SRBD1: variants seen among roughly 807,000 people sequenced by gnomAD.
SRBD1 encodes the protein S1 RNA-binding domain-containing protein 1.
SRBD1 carries 88 observed loss-of-function variants against 115.3 expected under a neutral mutation model. The ratio of observed to expected loss-of-function variants is 0.76; its 90% CI spans 0.64 to 0.91. The LOEUF (loss-of-function observed/expected upper bound fraction) is 0.91, where lower values mean the gene tolerates loss of function less well. Among genes scored for constraint, SRBD1 ranks in the 40% least tolerant of loss-of-function variants. SRBD1 has a pLI of 0.00. For synonymous variants in SRBD1, 509 were observed against 407.7 expected (o/e 1.25, Z -2.99); for missense variants, 1,385 against 1,177.4 (o/e 1.18, Z -2.58).
At chr2:45,491,897 C>G (rs1670304485) in intron 14 of SRBD1, among the ~76,000 whole-genome samples, 2 of 152,182 alleles carry the variant, frequency 1.3e-5, no homozygotes, top group African/African-American at 4.8e-5. Context: ...TCTCGGCTCA[C>G]TATTACCTCC....
chr2:45,536,494 T>A (rs1197466628), intron 14 of SRBD1, among the ~76,000 whole-genome samples: 1 of 152,130 alleles, frequency 6.6e-6, no homozygotes, highest in Non-Finnish European at 1.5e-5. Context: ...AAAGAGTGCA[T>A]CTCTGAATTG....
At chr2:45,521,100 C>T (rs952867190) in intron 14 of SRBD1, among the ~76,000 whole-genome samples, 33 of 152,008 alleles carry the variant, frequency 2.2e-4, no homozygotes, top group Non-Finnish European at 2.4e-4. Flanking sequence ...GTTTGAACAG[C>T]GGCAGCAACT....
At chr2:45,544,074 T>C (rs1672031143) in intron 14 of SRBD1, among the ~76,000 whole-genome samples, 1 of 151,330 alleles carries the variant, frequency 6.6e-6, no homozygotes, top group African/African-American at 2.4e-5. Flanking sequence ...TACTAAAAAC[T>C]ATAAAAAAAT....
chr2:45,499,537 G>A (rs1670561708), intron 14 of SRBD1, among the ~76,000 whole-genome samples: 2 of 152,050 alleles, frequency 1.3e-5, no homozygotes, highest in African/African-American at 4.8e-5. Flanking sequence ...CTTTGTCTGT[G>A]CTTTTGAGGT....
intron 6 of SRBD1, among the ~76,000 whole-genome samples, 191 bp downstream of exon 6, chr2:45,581,502 G>A (rs535824863): frequency 1.8e-4 from 28 of 151,558 alleles, no homozygotes; most frequent in African/African-American, 6.8e-4. Context: ...ATTCATCTTT[G>A]TAAACCCAAG....
chr2:45,404,806 T>C (rs1667383907), intron 19 of SRBD1, among the ~76,000 whole-genome samples: 1 of 152,092 alleles, frequency 6.6e-6, no homozygotes, highest in Admixed American at 6.6e-5. Context: ...CCCAATGCCC[T>C]TTTGACTCAA....
intron 15 of SRBD1, among the ~76,000 whole-genome samples, chr2:45,487,816 A>G (rs1558427984): frequency 6.6e-6 from 1 of 151,704 alleles, no homozygotes; most frequent in African/African-American, 2.4e-5. Context: ...ACCATGCCCA[A>G]CTAATTTTTG....
chr2:45,475,730 G>A (rs548022415), intron 16 of SRBD1, among the ~76,000 whole-genome samples: 8 of 152,076 alleles, frequency 5.3e-5, no homozygotes, highest in Non-Finnish European at 7.4e-5. Flanking sequence ...ATGGAGTCTC[G>A]CTCTGTCACC....
At chr2:45,606,438 G>T (rs1218104052) in intron 1 of SRBD1, among the ~76,000 whole-genome samples, 1 of 152,010 alleles carries the variant, frequency 6.6e-6, no homozygotes, top group South Asian at 2.1e-4. Flanking sequence ...GGGATTACAG[G>T]CATGAGTCAC....
intron 14 of SRBD1, among the ~76,000 whole-genome samples, chr2:45,513,654 G>C (rs1446844518): frequency 1.3e-5 from 2 of 152,014 alleles, no homozygotes; most frequent in African/African-American, 2.4e-5. Flanking sequence ...AAGAAAATGA[G>C]GAGTTAGAGC....
chr2:45,594,551 A>G (rs1673832842), intron 4 of SRBD1, among the ~76,000 whole-genome samples: 1 of 152,242 alleles, frequency 6.6e-6, no homozygotes, highest in Admixed American at 6.5e-5. Context: ...ACACATTTGC[A>G]GTTTGGGAGA....
At chr2:45,478,138 A>C (rs1030490044) in intron 15 of SRBD1, among the ~76,000 whole-genome samples, 28 of 152,126 alleles carry the variant, frequency 1.8e-4, no homozygotes, top group African/African-American at 5.8e-4. Context: ...AACTGCTTCC[A>C]TTTTCAAAAC....
At chr2:45,545,712 A>G (rs1055626637) in intron 14 of SRBD1, among the ~76,000 whole-genome samples, 1 of 152,170 alleles carries the variant, frequency 6.6e-6, no homozygotes, top group East Asian at 1.9e-4. Flanking sequence ...GGATGTTTCA[A>G]TCTGTTTCCT....
intron 16 of SRBD1, among the ~76,000 whole-genome samples, chr2:45,460,902 A>T (rs1423787331): frequency 1.3e-5 from 2 of 152,192 alleles, no homozygotes; most frequent in Non-Finnish European, 1.5e-5. Flanking sequence ...ACTGTCCATG[A>T]TCATTACTAA....
chr2:45,597,071 T>C (rs1024116936), intron 4 of SRBD1, among the ~76,000 whole-genome samples: 4 of 151,814 alleles, frequency 2.6e-5, no homozygotes, highest in Non-Finnish European at 5.9e-5. Flanking sequence ...CCCCAGGCAC[T>C]GGACCAGAGA....
intron 14 of SRBD1, among the ~76,000 whole-genome samples, chr2:45,538,146 A>G (rs1228050997): frequency 6.6e-6 from 1 of 152,196 alleles, no homozygotes; most frequent in Non-Finnish European, 1.5e-5. Flanking sequence ...CCAGTCAACC[A>G]AAGAAGATAT....
chr2:45,509,574 G>C (rs1670901766), intron 14 of SRBD1, among the ~76,000 whole-genome samples: 1 of 123,448 alleles, frequency 8.1e-6, no homozygotes, highest in Non-Finnish European at 1.7e-5. Context: ...CCAGCCTGGA[G>C]GACACAGCAA....
At chr2:45,480,852 T>C (rs1167196099) in intron 15 of SRBD1, among the ~76,000 whole-genome samples, 5 of 152,174 alleles carry the variant, frequency 3.3e-5, no homozygotes, top group Admixed American at 6.6e-5. Flanking sequence ...TAATATGGAC[T>C]TCAATTTTAA....
At chr2:45,415,618 A>C (rs966329565) in intron 18 of SRBD1, among the ~76,000 whole-genome samples, 1 of 132,118 alleles carries the variant, frequency 7.6e-6, no homozygotes, top group Non-Finnish European at 1.6e-5. Context: ...ATATGTATAA[A>C]ATATATAGAG....
Sources: allele counts gnomAD v4.1 joint callset (sites outside exome capture counted in the v4.1 genomes callset), GRCh38; gene constraint gnomAD v4.1.1; transcripts MANE v1.5; gene names NCBI Gene and HGNC (gene_info 2026-07-23, HGNC 2026-07-21).